The following DPP6 variants were observed in gnomAD, a reference collection of about 807,000 sequenced individuals.
DPP6 encodes dipeptidyl peptidase like 6.
A neutral mutation model predicts 122.6 loss-of-function variants in DPP6; 69 were observed. The ratio of observed to expected loss-of-function variants is 0.56; its 90% CI spans 0.46 to 0.69. The LOEUF (loss-of-function observed/expected upper bound fraction) is 0.69. DPP6 is among the 30% of genes least tolerant of loss of function. DPP6 has a pLI of 0.00. For synonymous variants in DPP6, 418 were observed against 433.1 expected, an observed-to-expected ratio of 0.97 and a Z score of 0.43; for missense variants, 928 against 1,116.9, an observed-to-expected ratio of 0.83 and a Z score of 2.41.
intron 7 of DPP6, among the ~76,000 whole-genome samples, chr7:154,678,308 G>A (rs1839054900): frequency 1.3e-5 from 2 of 152,176 alleles, no homozygotes; most frequent in Non-Finnish European, 2.9e-5. Flanking sequence ...AATAAATCTT[G>A]CTGCTGCTCG....
chr7:154,112,069 A>G (rs1806629279), intron 1 of DPP6, among the ~76,000 whole-genome samples: 1 of 152,144 alleles, frequency 6.6e-6, no homozygotes, highest in African/African-American at 2.4e-5. Flanking sequence ...GGAGTGGATC[A>G]CGAAGGGTAG....
chr7:154,856,980 G>C (rs982720185), intron 17 of DPP6, among the ~76,000 whole-genome samples: 2 of 152,210 alleles, frequency 1.3e-5, no homozygotes, highest in African/African-American at 4.8e-5. Flanking sequence ...TTGGAAACTG[G>C]ACGGCGTTTA....
the DPP6 span, among the ~76,000 whole-genome samples, chr7:153,847,585 C>A: frequency 0.041 from 6,223 of 152,180 alleles, 411 homozygotes; most frequent in African/African-American, 0.14. Flanking sequence ...GGGCTGATCA[C>A]CCTGAATTTA....
chr7:154,593,573 G>A (rs1186995988), intron 5 of DPP6, among the ~76,000 whole-genome samples: 1 of 152,180 alleles, frequency 6.6e-6, no homozygotes, highest in Non-Finnish European at 1.5e-5. Flanking sequence ...TCCTCTCTTT[G>A]ACCTGGTTGC....
chr7:154,777,832 G>C (rs1200547104), intron 10 of DPP6, among the ~76,000 whole-genome samples: 1 of 152,100 alleles, frequency 6.6e-6, no homozygotes, highest in African/African-American at 2.4e-5. Context: ...GCGCAGCTGT[G>C]GGGGCTCACT....
intron 1 of DPP6, among the ~76,000 whole-genome samples, chr7:154,097,039 C>T (rs1284047730): frequency 2.0e-5 from 3 of 152,222 alleles, no homozygotes; most frequent in South Asian, 2.1e-4. Flanking sequence ...ATGGACCTGG[C>T]GTTCACTGCA....
chr7:154,287,318 T>C (rs113785143), intron 1 of DPP6, among the ~76,000 whole-genome samples: 50 of 152,262 alleles, frequency 3.3e-4, no homozygotes, highest in African/African-American at 1.1e-3. Flanking sequence ...TTGCTGACAC[T>C]CAAATGTTTT....
chr7:154,428,872 G>C (rs1000922921), intron 1 of DPP6, among the ~76,000 whole-genome samples: 1 of 152,000 alleles, frequency 6.6e-6, no homozygotes, highest in African/African-American at 2.4e-5. Flanking sequence ...GGGGTATGAG[G>C]GATAAAAAGA....
At chr7:153,886,626 C>T (rs1798926614), upstream of DPP6, among the ~76,000 whole-genome samples, 1 of 152,206 alleles carries the variant, frequency 6.6e-6, no homozygotes, top group Non-Finnish European at 1.5e-5. Context: ...CGCTGGTAGC[C>T]GGGCGCTGCC....
intron 5 of DPP6, chr7:154,587,724 C>T (rs2130710094): frequency 6.4e-7 from 1 of 1,558,572 alleles, no homozygotes; most frequent in African/African-American, 1.4e-5. Flanking sequence ...TAAGTCAAGC[C>T]TGTAGCCCAG....
intron 7 of DPP6, among the ~76,000 whole-genome samples, chr7:154,717,999 T>G (rs1382283414): frequency 2.0e-5 from 3 of 152,224 alleles, no homozygotes; most frequent in Non-Finnish European, 4.4e-5. Context: ...TCTCTGATGA[T>G]TAGTGATGTT....
At chr7:154,330,518 G>C (rs999698759) in intron 1 of DPP6, among the ~76,000 whole-genome samples, 5 of 152,216 alleles carry the variant, frequency 3.3e-5, no homozygotes, top group Non-Finnish European at 7.3e-5. Flanking sequence ...GGGCGGGCAA[G>C]CATCAGGGCA....
At chr7:154,771,951 T>C (rs1356042442) in intron 9 of DPP6, among the ~76,000 whole-genome samples, 2 of 152,214 alleles carry the variant, frequency 1.3e-5, no homozygotes, top group Non-Finnish European at 1.5e-5. Flanking sequence ...GAAGAGCTGG[T>C]GGCTGTCTGA....
chr7:153,852,808 C>T, the DPP6 span, among the ~76,000 whole-genome samples: 16 of 152,176 alleles, frequency 1.1e-4, no homozygotes, highest in Non-Finnish European at 1.5e-5. Flanking sequence ...TCTGCTCAAT[C>T]GCATTGCACT....
the DPP6 span, among the ~76,000 whole-genome samples, chr7:153,875,370 CAA>C: frequency 6.6e-6 from 1 of 151,224 alleles, no homozygotes; most frequent in Non-Finnish European, 1.5e-5. Context: ...ACTCTTCATG[CAA>C]AAAAACATAA....
Position 154,848,897 on chromosome 7 carries a change from A to G in DPP6, c.1667-4883A>G, listed in dbSNP as rs139530640. On this transcript the variant is annotated intron_variant, in intron 16 of 25. Coordinates refer to ENST00000377770, the MANE Select transcript of DPP6 (RefSeq NM_130797.4). ...TGCATGTGAATAGCCAGCTTTTCCA[A>G]CACCACTTATTGAAGAGACTGTCCT... Among the ~76,000 whole-genome samples, 542 of 152,316 alleles carry G rather than the reference A, an allele frequency of 3.6e-3. 4 individuals are homozygous for G. Among genetic ancestry groups the G allele is most frequent in the African/African-American group, 0.012 (493 of 41,576 alleles).
intron 16 of DPP6, among the ~76,000 whole-genome samples, chr7:154,850,962 T>A (rs1235278639): frequency 6.6e-6 from 1 of 152,236 alleles, no homozygotes. Context: ...CAGATATACA[T>A]GCAACCATTT....
At chr7:154,533,729 G>A (rs933905374) in intron 3 of DPP6, among the ~76,000 whole-genome samples, 14 of 152,176 alleles carry the variant, frequency 9.2e-5, no homozygotes, top group African/African-American at 3.4e-4. Context: ...CTGGCATGGT[G>A]CCTCACACCT....
At chr7:154,136,622 C>A (rs1375690866) in intron 1 of DPP6, among the ~76,000 whole-genome samples, 1,633 of 152,310 alleles carry the variant, frequency 0.011, 31 homozygotes, top group African/African-American at 0.037. Context: ...CACATATCTT[C>A]TTCCTTATTA....
Sources: allele counts gnomAD v4.1 joint callset (sites outside exome capture counted in the v4.1 genomes callset), GRCh38; gene constraint gnomAD v4.1.1; transcripts MANE v1.5; gene names NCBI Gene and HGNC (gene_info 2026-07-23, HGNC 2026-07-21).